The following ZMYM4 variants were observed in gnomAD, a reference collection of about 807,000 sequenced individuals.
The protein encoded by ZMYM4 is zinc finger MYM-type containing 4, also known as zinc finger MYM-type protein 4.
A neutral mutation model predicts 183.2 loss-of-function variants in ZMYM4; 31 were observed. The ratio of observed to expected loss-of-function variants is 0.17; its 90% CI spans 0.13 to 0.23. ZMYM4 has a LOEUF of 0.23. Ranked by LOEUF, ZMYM4 falls within the 10% of genes least tolerant of loss-of-function variation. The pLI, the probability that ZMYM4 is intolerant of heterozygous loss-of-function variation, is 1.00. For synonymous variants in ZMYM4, 592 were observed against 631.2 expected (o/e 0.94, Z 0.93); for missense variants, 1,273 against 1,840.3 (o/e 0.69, Z 5.64).
At position 35,365,667 on chromosome 1, in the gene ZMYM4, A is replaced by G. The variant is rs146386932; in HGVS notation, c.840+3878A>G. Among the ~76,000 whole-genome samples the G allele has an allele frequency of 2.0e-5, 3 of 152,290 alleles. No homozygotes were observed. In the East Asian group the frequency reaches 5.8e-4, roughly 29 times the overall value. ...ATACTTTCATGGGATATTAATATTG[A>G]TCTTCATTTGTAGTAAACTAAGAAG... On this transcript the variant is annotated intron_variant, in intron 5 of 29. Transcript: ENST00000314607.
intron 1 of ZMYM4, among the ~76,000 whole-genome samples, chr1:35,272,342 T>G (rs1472792697): frequency 1.3e-5 from 2 of 152,244 alleles, no homozygotes; most frequent in East Asian, 1.9e-4. Context: ...CTGTGCTATT[T>G]CATAAGCTAC....
intron 2 of ZMYM4, among the ~76,000 whole-genome samples, chr1:35,333,887 C>A (rs560278424): frequency 6.6e-6 from 1 of 152,204 alleles, no homozygotes; most frequent in South Asian, 2.1e-4. Context: ...AATAAGTCAT[C>A]TTCTGCTTTG....
At chr1:35,300,508 T>TAAA (rs1641232193) in intron 1 of ZMYM4, among the ~76,000 whole-genome samples, 1 of 152,234 alleles carries the variant, frequency 6.6e-6, no homozygotes. Context: ...AAAATCTTTT[T>TAAA]GTCTTCTCCC....
rs1010813335 is a variant in ZMYM4 at position 35,392,270 on chromosome 1, G to A, written c.2646G>A (p.Ser882=). Residue 882 remains serine, a synonymous_variant, in exon 16 of 30, where the codon TCG becomes TCA. Transcript: ENST00000314607. The part of the protein sequence containing the change: ...SAGPPSLRKD[S]TPVIANVVSL... Reference sequence around the variant, plus strand: ...GACCCCCATCTCTGAGAAAAGATTCGACTCCAGTTATAGCCAATGTAGTAT... The same window carrying A: ...GACCCCCATCTCTGAGAAAAGATTCAACTCCAGTTATAGCCAATGTAGTAT... The A allele has an allele frequency of 5.6e-6, 9 of 1,613,958 alleles. No homozygotes were observed. Among genetic ancestry groups the A allele is most frequent in the African/African-American group, 4.0e-5 (3 of 74,884 alleles).
chr1:35,276,290 C>T (rs1398043297), intron 1 of ZMYM4, among the ~76,000 whole-genome samples: 2 of 117,802 alleles, frequency 1.7e-5, no homozygotes, highest in Non-Finnish European at 3.3e-5. Context: ...CTTCTTTCTT[C>T]CCTCCTTTCC....
intron 2 of ZMYM4, among the ~76,000 whole-genome samples, chr1:35,345,704 C>T (rs1643367551): frequency 6.6e-6 from 1 of 152,200 alleles, no homozygotes; most frequent in Non-Finnish European, 1.5e-5. Flanking sequence ...GCCTTGGCCT[C>T]CCAAAGTGCT....
At position 35,387,137 on chromosome 1, in the gene ZMYM4, C is replaced by T. The variant is rs780818974; in HGVS notation, c.1971C>T (p.Ser657=). 10 of 1,614,130 alleles carry T rather than the reference C, an allele frequency of 6.2e-6. No individual in the cohort carries two copies. In the East Asian group the frequency reaches 2.2e-4, roughly 36 times the overall value. ...GCACATCTGCTGTTTCTCCCACCTC[C>T]ATCAGTAGCTCTGCTGCAGCTGGTC... ...GGSTSAVSPT[S]ISSSAAAGLQ... is the part of the protein sequence containing the mutation. The change falls in exon 12 of 30, where the codon TCC becomes TCT. Residue 657 remains serine, a synonymous_variant. Transcript: ENST00000314607.
At chr1:35,416,585 A>C (rs1334872417) in intron 28 of ZMYM4, among the ~76,000 whole-genome samples, 1 of 152,034 alleles carries the variant, frequency 6.6e-6, no homozygotes, top group Non-Finnish European at 1.5e-5. Context: ...TTATTTTGAG[A>C]TGAAGTCTCA....
chr1:35,312,088 G>A (rs927813659), intron 1 of ZMYM4, among the ~76,000 whole-genome samples: 1 of 151,974 alleles, frequency 6.6e-6, no homozygotes, highest in Non-Finnish European at 1.5e-5. Flanking sequence ...GTTTCTGATG[G>A]AAAGTCTGTA....
At chr1:35,335,239 A>ATT (rs200810022) in intron 2 of ZMYM4, among the ~76,000 whole-genome samples, 2 of 137,528 alleles carry the variant, frequency 1.5e-5, no homozygotes, top group Non-Finnish European at 1.6e-5. Context: ...TCCCTATTGC[A>ATT]TTTTTTTTTT....
rs1174013402 is a variant in ZMYM4 at position 35,381,411 on chromosome 1, G to A, written c.1334G>A (p.Ser445Asn). 1 of 1,608,702 alleles carries A rather than the reference G, an allele frequency of 6.2e-7. No homozygotes were observed. The highest frequency in any genetic ancestry group is 1.3e-5 in the African/African-American group (1 of 74,710). ...ACAAATAGTATTTCAACCAAATGCA[G>A]CATGTGTCAGAAGAATGCTGTTGTA... The part of the protein sequence containing the change: ...INTNSISTKC[S>N]MCQKNAVIRH... Residue 445 changes from serine to asparagine, a missense_variant, in exon 8 of 30, where the codon AGC (serine) becomes AAC (asparagine). Transcript: ENST00000314607.
chr1:35,303,500 G>A (rs1192645751), intron 1 of ZMYM4, among the ~76,000 whole-genome samples: 1 of 151,728 alleles, frequency 6.6e-6, no homozygotes, highest in Admixed American at 6.6e-5. Flanking sequence ...CCGCCGTCTG[G>A]GTTCAAGCGA....
At chr1:35,344,206 A>T (rs923095091) in intron 2 of ZMYM4, among the ~76,000 whole-genome samples, 2 of 151,848 alleles carry the variant, frequency 1.3e-5, no homozygotes, top group Non-Finnish European at 2.9e-5. Context: ...GGCGTGTGCC[A>T]CCATGCCTGA....
In ZMYM4 at chr1:35,361,171, TG is replaced by T. The variant is rs757651146; in HGVS notation, c.608-22del. 1.2e-5 allele frequency: 19 copies of T among 1,554,462 alleles called. 1 individual carries two copies. The highest frequency in any genetic ancestry group is 4.8e-5 in the South Asian group (4 of 82,984). On this transcript the variant is annotated intron_variant, in intron 3 of 29. Transcript: ENST00000314607. ...TGTTATTCATATACATGTGTTTGTTTGTTTTTTTTTTCCTTTCAATAGCTAA... is the reference window on the plus strand; with the variant it reads ...TGTTATTCATATACATGTGTTTGTTTTTTTTTTTTTCCTTTCAATAGCTAA...
chr1:35,269,394 TTTAGTGCATC>T (rs1314011412), intron 1 of ZMYM4, among the ~76,000 whole-genome samples: 1 of 26,698 alleles, frequency 3.7e-5, no homozygotes, highest in Admixed American at 4.3e-4. Flanking sequence ...TAAGTGCATC[TTTAGTGCATC>T]TTTAGTACAT....
chr1:35,379,186 C>T (rs906715904), intron 7 of ZMYM4, among the ~76,000 whole-genome samples: 24 of 152,136 alleles, frequency 1.6e-4, no homozygotes, highest in African/African-American at 5.3e-4. Flanking sequence ...CTGCAGCCTC[C>T]GCCTCCCGGG....
chr1:35,280,614 A>G (rs1442537510), intron 1 of ZMYM4, among the ~76,000 whole-genome samples: 5 of 152,242 alleles, frequency 3.3e-5, no homozygotes, highest in Non-Finnish European at 4.4e-5. Flanking sequence ...TGGCAAGGCC[A>G]TGCTTTCTCT....
At chr1:35,369,194 TAAAC>T (rs1304690964) in intron 5 of ZMYM4, among the ~76,000 whole-genome samples, 2 of 152,208 alleles carry the variant, frequency 1.3e-5, no homozygotes, top group Non-Finnish European at 2.9e-5. Flanking sequence ...TTCAATATGA[TAAAC>T]AATATATTAA....
intron 25 of ZMYM4, among the ~76,000 whole-genome samples, chr1:35,405,977 A>G (rs1644996735): frequency 6.6e-6 from 1 of 152,136 alleles, no homozygotes; most frequent in South Asian, 2.1e-4. Context: ...TTGACACCCT[A>G]TTCTAAATTT....
Sources: gnomAD v4.1 joint callset for allele counts (sites outside exome capture counted in the v4.1 genomes callset) on GRCh38, gnomAD v4.1.1 for gene constraint, MANE v1.5 for transcripts, NCBI Gene and HGNC (gene_info 2026-07-23, HGNC 2026-07-21) for gene names.